Variants in NTM observed in about 807,000 individuals in gnomAD.
The protein encoded by NTM is IgLON family member 2.
In NTM, 13 loss-of-function variants were observed where a neutral mutation model predicts 42.1. That is an observed-to-expected ratio of 0.31 (90% CI 0.20 to 0.49). The LOEUF (loss-of-function observed/expected upper bound fraction) is 0.49. Ranked by LOEUF, NTM falls within the 20% of genes least tolerant of loss-of-function variation. NTM has a pLI of 0.99. For missense variants in NTM, 373 were observed against 452.8 expected (o/e 0.82, Z 1.60); for synonymous variants, 187 against 179.2 (o/e 1.04, Z -0.35).
intron 1 of NTM, among the ~76,000 whole-genome samples, chr11:131,515,480 C>T (rs1485538022): frequency 1.3e-5 from 2 of 152,136 alleles, no homozygotes; most frequent in Non-Finnish European, 2.9e-5. Context: ...GAACATGAGC[C>T]GTTACATGTT....
At chr11:131,614,510 G>A (rs961083990) in intron 1 of NTM, among the ~76,000 whole-genome samples, 16 of 152,194 alleles carry the variant, frequency 1.1e-4, no homozygotes, top group African/African-American at 3.9e-4. Flanking sequence ...GCTGTGAGGG[G>A]ACTAGACAGG....
chr11:131,950,871 C>T (rs754173125), intron 2 of NTM, among the ~76,000 whole-genome samples: 10 of 152,290 alleles, frequency 6.6e-5, no homozygotes, highest in Middle Eastern at 3.4e-3. Context: ...TTGCTGAGCA[C>T]GTTGCCATGT....
intron 1 of NTM, among the ~76,000 whole-genome samples, chr11:131,482,155 C>T (rs186966551): frequency 1.3e-5 from 2 of 152,244 alleles, no homozygotes; most frequent in East Asian, 1.9e-4. Context: ...TTTTTCATGT[C>T]GTACTCATTA....
rs60432392 is a variant in NTM, at chr11:132,303,369, G to A, written c.527-4320G>A. On this transcript the variant is annotated intron_variant, in intron 4 of 8. Coordinates refer to ENST00000683400, the MANE Select transcript of NTM (RefSeq NM_001352005.2). ...CTGGTATGCACCAGCAATTCCTGGC[G>A]TTCCTTGGCTCCTAGAAGCATCACT... 7.2e-3 allele frequency among the ~76,000 whole-genome samples: 1,090 copies of A among 152,262 alleles called. 14 individuals carry two copies. Among genetic ancestry groups the A allele is most frequent in the African/African-American group, 0.024 (1,016 of 41,556 alleles).
chr11:131,629,496 C>T (rs1489279526), intron 1 of NTM, among the ~76,000 whole-genome samples: 1 of 152,152 alleles, frequency 6.6e-6, no homozygotes, highest in Non-Finnish European at 1.5e-5. Context: ...AAGAAATGTA[C>T]AGACACAAAT....
chr11:132,261,329 G>A (rs1216171599), intron 4 of NTM, among the ~76,000 whole-genome samples: 1 of 152,186 alleles, frequency 6.6e-6, no homozygotes, highest in East Asian at 1.9e-4. Flanking sequence ...CCACCCCACG[G>A]TGGATGGAAA....
chr11:131,690,838 G>A (rs2074578056), intron 1 of NTM, among the ~76,000 whole-genome samples: 1 of 152,222 alleles, frequency 6.6e-6, no homozygotes, highest in South Asian at 2.1e-4. Flanking sequence ...TGAAGACGGG[G>A]CTCAGAAGGA....
chr11:132,016,806 G>T (rs1345870182), intron 2 of NTM, among the ~76,000 whole-genome samples: 1 of 151,834 alleles, frequency 6.6e-6, no homozygotes, highest in South Asian at 2.1e-4. Context: ...ACCAACACTT[G>T]TTACTGTCTT....
At chr11:131,394,653 G>T (rs1279932536) in intron 1 of NTM, among the ~76,000 whole-genome samples, 1 of 152,126 alleles carries the variant, frequency 6.6e-6, no homozygotes, top group Non-Finnish European at 1.5e-5. Context: ...TTCACTTCAG[G>T]ACCAACGAAG....
intron 1 of NTM, among the ~76,000 whole-genome samples, chr11:131,434,510 G>A (rs1465820468): frequency 6.6e-6 from 1 of 152,102 alleles, no homozygotes; most frequent in Admixed American, 6.6e-5. Context: ...TCTCATTGTG[G>A]TTTTGATTTG....
intron 4 of NTM, 96 bp from the exon 5 acceptor site, chr11:132,307,593 C>T (rs1200173148): frequency 2.0e-6 from 3 of 1,528,702 alleles, no homozygotes; most frequent in Non-Finnish European, 2.7e-6. Flanking sequence ...GGCAAATTAT[C>T]TGCAGACATA....
At chr11:132,139,244 A>G (rs1363439997) in intron 2 of NTM, among the ~76,000 whole-genome samples, 3 of 152,176 alleles carry the variant, frequency 2.0e-5, no homozygotes, top group African/African-American at 7.2e-5. Flanking sequence ...GATGATGAAG[A>G]TGCCCCACCT....
At chr11:131,524,377 T>G (rs2050173618) in intron 1 of NTM, among the ~76,000 whole-genome samples, 1 of 152,118 alleles carries the variant, frequency 6.6e-6, no homozygotes, top group African/African-American at 2.4e-5. Flanking sequence ...TGACATGTGA[T>G]CCCTTCTGCT....
chr11:131,434,227 G>T (rs1009237381), intron 1 of NTM, among the ~76,000 whole-genome samples: 3 of 152,284 alleles, frequency 2.0e-5, no homozygotes, highest in Admixed American at 2.0e-4. Flanking sequence ...TTGCTATCAT[G>T]AATAGTGCCG....
At chr11:132,087,861 C>T (rs945333981) in intron 2 of NTM, among the ~76,000 whole-genome samples, 4 of 152,154 alleles carry the variant, frequency 2.6e-5, no homozygotes, top group Admixed American at 6.5e-5. Flanking sequence ...GATTAATTGA[C>T]CAGGGGAAGA....
intron 1 of NTM, chr11:131,661,255 C>T (rs1449271508): frequency 3.3e-6 from 1 of 303,358 alleles, no homozygotes; most frequent in Non-Finnish European, 6.7e-6. Context: ...GGGTGAAGTT[C>T]CAAGTCAGAA....
chr11:132,306,974 C>T (rs1359539639), intron 4 of NTM, among the ~76,000 whole-genome samples: 2 of 152,082 alleles, frequency 1.3e-5, no homozygotes, highest in Admixed American at 1.3e-4. Context: ...GACAATGAGT[C>T]CCGCAATGAT....
intron 1 of NTM, among the ~76,000 whole-genome samples, chr11:131,424,590 C>CTTTT (rs1565486929): frequency 1.9e-5 from 1 of 51,650 alleles, no homozygotes; most frequent in East Asian, 5.8e-4. Context: ...TTTTTTATTT[C>CTTTT]TTTTCTTTTC....
intron 2 of NTM, among the ~76,000 whole-genome samples, chr11:132,093,020 T>C (rs564768638): frequency 1.3e-5 from 2 of 152,336 alleles, no homozygotes; most frequent in Non-Finnish European, 2.9e-5. Context: ...AAAGAGCCTT[T>C]GAAATGGAAA....
Sources: gnomAD v4.1 joint callset for allele counts (sites outside exome capture counted in the v4.1 genomes callset) on GRCh38, gnomAD v4.1.1 for gene constraint, MANE v1.5 for transcripts, NCBI Gene and HGNC (gene_info 2026-07-23, HGNC 2026-07-21) for gene names.